The following FRMD4A variants were observed in gnomAD, a reference collection of about 807,000 sequenced individuals.
FRMD4A encodes the protein FERM domain-containing protein 4A.
Under a neutral mutation model 129.1 loss-of-function variants are expected in FRMD4A, and 29 were observed. The observed-to-expected ratio is 0.22, with a 90% CI of 0.17 to 0.31. FRMD4A has a LOEUF of 0.31. Among genes scored for constraint, FRMD4A ranks in the 10% least tolerant of loss-of-function variants. The pLI is 1.00. For synonymous variants in FRMD4A, 634 were observed against 571.6 expected (o/e 1.11, Z -1.56); for missense variants, 1,272 against 1,375.8 (o/e 0.92, Z 1.19).
chr10:14,035,429 C>CAAAAAAAAAAAA (rs11289297), intron 2 of FRMD4A, among the ~76,000 whole-genome samples: 1 of 127,024 alleles, frequency 7.9e-6, no homozygotes, highest in Non-Finnish European at 1.6e-5. Context: ...AACAAATAAA[C>CAAAAAAAAAAAA]AAAAAAAAAA....
intron 2 of FRMD4A, among the ~76,000 whole-genome samples, chr10:13,988,559 T>A (rs566672768): frequency 6.6e-6 from 1 of 152,254 alleles, no homozygotes; most frequent in South Asian, 2.1e-4. Context: ...AATTAATGGA[T>A]GGATGGATGG....
At chr10:13,703,522 C>A (rs577736234) in intron 13 of FRMD4A, among the ~76,000 whole-genome samples, 1 of 152,292 alleles carries the variant, frequency 6.6e-6, no homozygotes, top group African/African-American at 2.4e-5. Context: ...ATTACATCTT[C>A]ATTAAATGAC....
chr10:13,849,444 G>A (rs2094109357), intron 3 of FRMD4A, among the ~76,000 whole-genome samples: 1 of 151,798 alleles, frequency 6.6e-6, no homozygotes, highest in South Asian at 2.1e-4. Flanking sequence ...CACTTTGGGG[G>A]GGATTCCTGC....
chr10:14,001,725 T>G (rs1482336988), intron 2 of FRMD4A, among the ~76,000 whole-genome samples: 1 of 152,152 alleles, frequency 6.6e-6, no homozygotes, highest in Non-Finnish European at 1.5e-5. Context: ...GAGTCCCCAG[T>G]AGTCTGTGTT....
chr10:14,271,764 C>T (rs1388579615), intron 2 of FRMD4A, among the ~76,000 whole-genome samples: 5 of 152,126 alleles, frequency 3.3e-5, no homozygotes, highest in African/African-American at 4.8e-5. Flanking sequence ...ACTGGGAAGT[C>T]AGGGAAGCAT....
chr10:13,775,805 G>A (rs979002213), intron 6 of FRMD4A, among the ~76,000 whole-genome samples: 3 of 152,174 alleles, frequency 2.0e-5, no homozygotes, highest in African/African-American at 2.4e-5. Flanking sequence ...AAAGAGGAAC[G>A]AGAACTACCC....
At chr10:13,797,432 C>T (rs531042174) in intron 4 of FRMD4A, among the ~76,000 whole-genome samples, 1 of 152,222 alleles carries the variant, frequency 6.6e-6, no homozygotes, top group South Asian at 2.1e-4. Flanking sequence ...AACCACTTTC[C>T]AGGCAGAAAG....
Position 14,030,181 on chromosome 10 carries a change from A to G in FRMD4A, c.46-171269T>C, listed in dbSNP as rs74824697. On this transcript the variant is annotated intron_variant, in intron 2 of 24. Transcript: ENST00000357447. ...GGAATAAGTTCTGGGCACCCAATGC[A>G]CAGCGATGTGACTGAGTTAACAATG... 9.0e-3 allele frequency among the ~76,000 whole-genome samples: 1,373 copies of G among 152,376 alleles called. 7 individuals carry two copies. Among genetic ancestry groups the G allele is most frequent in the Non-Finnish European group, 0.014 (930 of 68,042 alleles).
intron 15 of FRMD4A, among the ~76,000 whole-genome samples, chr10:13,683,222 G>A (rs936468834): frequency 6.6e-6 from 1 of 152,118 alleles, no homozygotes; most frequent in African/African-American, 2.4e-5. Context: ...ACGGTGGTGT[G>A]GGAGAGACAC....
rs36023583 is a variant in FRMD4A, at chr10:14,152,117, C to CTTTTTTTT, written c.45+177933_45+177940dup. ...CAAAGCAGGATATGTTTGTGTAGTGCTTTTTTTTTTTTTTTTTTTTTTTTT... is the reference window on the plus strand; with the variant it reads ...CAAAGCAGGATATGTTTGTGTAGTGCTTTTTTTTTTTTTTTTTTTTTTTTTTTTTTTTT... On this transcript the variant is annotated intron_variant, in intron 2 of 24. Transcript: ENST00000357447. Among the ~76,000 whole-genome samples the CTTTTTTTT allele has an allele frequency of 5.5e-5, 3 of 54,112 alleles. 1 individual carries two copies. The highest frequency in any genetic ancestry group is 7.5e-5 in the African/African-American group (1 of 13,292). The allele number at this position is 54,112 out of a possible 152,430, so 35.5% of individuals were successfully genotyped here. A position where few individuals can be genotyped will look rare whatever the true frequency, so the allele number is the denominator to read the frequency against.
chr10:13,724,389 A>T (rs1487175910), intron 12 of FRMD4A, among the ~76,000 whole-genome samples: 1 of 149,524 alleles, frequency 6.7e-6, no homozygotes, highest in Non-Finnish European at 1.5e-5. Context: ...CTCTGTCTCA[A>T]AAAAAAAAAG....
chr10:13,759,024 T>A (rs1006732518), intron 8 of FRMD4A, among the ~76,000 whole-genome samples: 1 of 152,168 alleles, frequency 6.6e-6, no homozygotes, highest in Non-Finnish European at 1.5e-5. Context: ...GCCACTCAAG[T>A]GTACTAGTTT....
At chr10:13,789,769 ATGTGTGTGTGTGTG>A (rs57602565) in intron 5 of FRMD4A, among the ~76,000 whole-genome samples, 7 of 130,086 alleles carry the variant, frequency 5.4e-5, no homozygotes, top group Non-Finnish European at 9.6e-5. Context: ...GCTGCTTATA[ATGTGTGTGTGTGTG>A]TGTGTGTGTG....
chr10:13,737,938 A>G lies in FRMD4A; in HGVS notation c.673-8T>C. 1.3e-6 allele frequency: 2 copies of G among 1,557,890 alleles called. No individual in the cohort carries two copies. The highest frequency in any genetic ancestry group is 1.8e-6 in the Non-Finnish European group (2 of 1,130,352). On this transcript the variant is annotated splice_region_variant and splice_polypyrimidine_tract_variant and intron_variant, in intron 11 of 24. Coordinates refer to ENST00000357447, the MANE Select transcript of FRMD4A (RefSeq NM_018027.5). ...TGGTATGCCCTGCTTGTCCTAGGAT[A>G]TCAAAAAAAGTTTGGGTGAATATGG...
At chr10:13,891,789 C>T in intron 2 of FRMD4A, 1 of 970,340 alleles carries the variant, frequency 1.0e-6, no homozygotes, top group South Asian at 4.8e-5. Flanking sequence ...CCGCCCCCGC[C>T]GCGGGCCCTC....
At chr10:13,707,468 G>C in intron 12 of FRMD4A, 2 of 1,024,504 alleles carry the variant, frequency 2.0e-6, no homozygotes, top group Non-Finnish European at 2.3e-6. Flanking sequence ...TGGAGACCGG[G>C]GAGAGGGACC....
chr10:14,160,092 T>C (rs1019846627), intron 2 of FRMD4A, among the ~76,000 whole-genome samples: 19 of 152,110 alleles, frequency 1.2e-4, no homozygotes, highest in Admixed American at 9.2e-4. Flanking sequence ...CTAAACATCA[T>C]GATATTGGTA....
chr10:13,886,719 A>C (rs2698126), intron 2 of FRMD4A, among the ~76,000 whole-genome samples: 151,027 of 152,270 alleles, frequency 0.99, 74,906 homozygotes, highest in Middle Eastern at 1. Flanking sequence ...GCAGCTGGGA[A>C]CACAGGCACA....
chr10:14,307,255 G>C (rs1005656727), intron 2 of FRMD4A, among the ~76,000 whole-genome samples: 1 of 152,226 alleles, frequency 6.6e-6, no homozygotes, highest in Non-Finnish European at 1.5e-5. Context: ...AAAGTATACA[G>C]AGAAGAAAAT....
Sources: allele counts gnomAD v4.1 joint callset (sites outside exome capture counted in the v4.1 genomes callset), GRCh38; gene constraint gnomAD v4.1.1; transcripts MANE v1.5; gene names NCBI Gene and HGNC (gene_info 2026-07-23, HGNC 2026-07-21).